The following NHLRC2 variants were observed in gnomAD, a reference collection of about 807,000 sequenced individuals.
The protein encoded by NHLRC2 is NHL repeat containing 2, also known as NHL repeat-containing protein 2.
In NHLRC2, 33 loss-of-function variants were observed where a neutral mutation model predicts 68.1. That is an observed-to-expected ratio of 0.48 (90% confidence interval 0.37 to 0.65). NHLRC2 has a LOEUF of 0.65. Ranked by LOEUF, NHLRC2 falls within the 30% of genes least tolerant of loss-of-function variation. The pLI, the probability that NHLRC2 is intolerant of heterozygous loss-of-function variation, is 0.00. For missense variants in NHLRC2, 761 were observed against 853.8 expected, an observed-to-expected ratio of 0.89 and a Z score of 1.35; for synonymous variants, 311 against 309.6, an observed-to-expected ratio of 1.00 and a Z score of -0.05.
In NHLRC2 at chr10:113,854,881, GC is replaced by G; in HGVS notation, c.12del (p.Gly5GlufsTer17). The G allele has an allele frequency of 6.5e-7, 1 of 1,541,094 alleles. No individual in the cohort carries two copies. The highest frequency in any genetic ancestry group is 8.7e-7 in the Non-Finnish European group (1 of 1,143,430). On this transcript the variant is annotated frameshift_variant, in exon 1 of 11. Transcript: ENST00000369301. LOFTEE classifies it high-confidence loss of function. MAA[P>X]GGRGRSLSGL... is the part of the protein sequence containing the mutation. ...GGGAGCCCGGCGGAAACATGGCGGCGCCCGGAGGCCGGGGCCGCAGCCTCTC... is the reference window on the plus strand; with the variant it reads ...GGGAGCCCGGCGGAAACATGGCGGCGCCGGAGGCCGGGGCCGCAGCCTCTC...
chr10:113,911,816 TG>T lies in NHLRC2; in HGVS notation c.*3281del, dbSNP rs1399066851. ...CATAAGAATATATGCAGAGGGAAAA[TG>T]TCAATAGTTCTTGTGAATGAAGGAA... On this transcript the variant is annotated 3_prime_UTR_variant, in exon 11 of 11. Coordinates refer to ENST00000369301, the MANE Select transcript of NHLRC2 (RefSeq NM_198514.4). 1 of 152,050 alleles carries T rather than the reference TG, an allele frequency of 6.6e-6. No individual in the cohort carries two copies. Among genetic ancestry groups the T allele is most frequent in the African/African-American group, 2.4e-5 (1 of 41,432 alleles). The allele number at this position is 152,050 out of a possible 1,614,324, so 9.4% of individuals were successfully genotyped here. A position where few individuals can be genotyped will look rare whatever the true frequency, so the allele number is the denominator to read the frequency against.
In NHLRC2 at chr10:113,911,355, C is replaced by T. The variant is rs1846327174; in HGVS notation, c.*2819C>T. 1 of 152,042 alleles carries T rather than the reference C, an allele frequency of 6.6e-6. No individual in the cohort carries two copies. Among genetic ancestry groups the T allele is most frequent in the African/African-American group, 2.4e-5 (1 of 41,412 alleles). 9.4% of individuals were successfully genotyped at this position (152,042 alleles called of 1,614,324 possible). A position where few individuals can be genotyped will look rare whatever the true frequency, so the allele number is the denominator to read the frequency against. On this transcript the variant is annotated 3_prime_UTR_variant, in exon 11 of 11. Coordinates refer to ENST00000369301, the MANE Select transcript of NHLRC2 (RefSeq NM_198514.4). ...AAGAGAAAACTTTGTAGTTTAATCA[C>T]CCATAAGTGTAACTTTAGCAAAATT...
Position 113,858,692 on chromosome 10 carries a change from T to TTAATTAG in NHLRC2, c.331+14_331+20dup. ...ATACTCTGATAAAGGTATCTGCTCT[T>TTAATTAG]TAATTAGTTTCTAACAGACTGTCCT... is the stretch of plus-strand genomic sequence containing the variant. On this transcript the variant is annotated intron_variant, in intron 2 of 10. Coordinates refer to ENST00000369301, the MANE Select transcript of NHLRC2 (RefSeq NM_198514.4). The TTAATTAG allele has an allele frequency of 1.3e-6, 2 of 1,599,552 alleles. No homozygotes were observed. The highest frequency in any genetic ancestry group is 1.7e-6 in the Non-Finnish European group (2 of 1,167,842).
chr10:113,880,406 A>G (rs1455075747), intron 4 of NHLRC2, among the ~76,000 whole-genome samples: 1 of 151,692 alleles, frequency 6.6e-6, no homozygotes, highest in East Asian at 1.9e-4. Flanking sequence ...ACTGTATCAC[A>G]TTCCATTGTA....
At chr10:113,881,376 A>G (rs1490096037) in intron 4 of NHLRC2, among the ~76,000 whole-genome samples, 2 of 151,862 alleles carry the variant, frequency 1.3e-5, no homozygotes, top group African/African-American at 2.4e-5. Flanking sequence ...GTGACTTAAT[A>G]TGGTGTCTGC....
At chr10:113,891,667 T>A (rs1244085139) in intron 5 of NHLRC2, among the ~76,000 whole-genome samples, 1 of 152,202 alleles carries the variant, frequency 6.6e-6, no homozygotes, top group African/African-American at 2.4e-5. Context: ...CAGCTTTCAG[T>A]CGTCCCTGTA....
chr10:113,858,344 A>G (rs1040890965), intron 1 of NHLRC2, among the ~76,000 whole-genome samples, 184 bp from the exon 2 acceptor site: 1 of 152,088 alleles, frequency 6.6e-6, no homozygotes, highest in African/African-American at 2.4e-5. Flanking sequence ...TTGTTGATAG[A>G]AAATGATGGT....
At chr10:113,864,568 G>A (rs760057768) in intron 2 of NHLRC2, among the ~76,000 whole-genome samples, 10 of 151,676 alleles carry the variant, frequency 6.6e-5, no homozygotes, top group Admixed American at 1.3e-4. Context: ...GTGGTGGCGC[G>A]CCCCTGTAAT....
At chr10:113,858,046 C>CT (rs529701767) in intron 1 of NHLRC2, among the ~76,000 whole-genome samples, 2,714 of 131,592 alleles carry the variant, frequency 0.021, 64 homozygotes, top group African/African-American at 0.06. Flanking sequence ...ATATTTCTTC[C>CT]TTTTTTTTTT....
chr10:113,906,354 A>G (rs1328586042), intron 10 of NHLRC2, among the ~76,000 whole-genome samples: 1 of 152,196 alleles, frequency 6.6e-6, no homozygotes, highest in African/African-American at 2.4e-5. Flanking sequence ...TTTATTATAT[A>G]GTAGCAGATA....
rs760374342 is a variant in NHLRC2 at position 113,904,858 on chromosome 10, G to A, written c.1746G>A (p.Pro582=). The A allele has an allele frequency of 2.0e-5, 33 of 1,613,156 alleles. No homozygotes were observed. In the Admixed American group the frequency reaches 4.8e-4, roughly 24 times the overall value. Residue 582 remains proline (P), a synonymous_variant, in exon 10 of 11, where the codon CCG becomes CCA. Transcript: ENST00000369301. The part of the protein sequence containing the change: ...FRSENAVVDG[P]FLVEKQKTLP... ...CTGAAAATGCTGTGGTAGATGGCCC[G>A]TTCCTAGTAGAAAAACAGAAGACAT... is the stretch of plus-strand genomic sequence containing the variant.
intron 5 of NHLRC2, 83 bp from the exon 6 acceptor site, chr10:113,898,027 C>T: frequency 1.5e-6 from 1 of 650,000 alleles, no homozygotes; most frequent in East Asian, 3.0e-5. Context: ...TTGTTATCCT[C>T]CATAAATTTA....
At chr10:113,867,247 A>G (rs117850703) in intron 2 of NHLRC2, among the ~76,000 whole-genome samples, 2,095 of 152,326 alleles carry the variant, frequency 0.014, 23 homozygotes, top group Admixed American at 0.022. Flanking sequence ...CACACCTTTT[A>G]AAGGATAGCA....
chr10:113,862,180 A>G (rs945985694), intron 2 of NHLRC2, among the ~76,000 whole-genome samples: 1 of 152,076 alleles, frequency 6.6e-6, no homozygotes, highest in African/African-American at 2.4e-5. Context: ...AGCCCGGCCT[A>G]TTTTCTATGT....
Position 113,854,865 on chromosome 10 carries a change from G to A in NHLRC2, c.-8G>A. On this transcript the variant is annotated 5_prime_UTR_variant, in exon 1 of 11. Transcript: ENST00000369301. Reference sequence around the variant, plus strand: ...GCCCGGCGGCCGCATCGGGAGCCCGGCGGAAACATGGCGGCGCCCGGAGGC... The same window carrying A: ...GCCCGGCGGCCGCATCGGGAGCCCGACGGAAACATGGCGGCGCCCGGAGGC... 1 of 1,539,218 alleles carries A rather than the reference G, an allele frequency of 6.5e-7. No individual in the cohort carries two copies. The highest frequency in any genetic ancestry group is 8.8e-7 in the Non-Finnish European group (1 of 1,142,670).
chr10:113,855,259 A>C (rs1845735821), intron 1 of NHLRC2, among the ~76,000 whole-genome samples: 1 of 152,062 alleles, frequency 6.6e-6, no homozygotes, highest in Non-Finnish European at 1.5e-5. Context: ...TGGCACGGGG[A>C]TCCACATACT....
At chr10:113,861,363 GAC>G (rs1845814630) in intron 2 of NHLRC2, among the ~76,000 whole-genome samples, 1 of 152,186 alleles carries the variant, frequency 6.6e-6, no homozygotes, top group Non-Finnish European at 1.5e-5. Context: ...ATCATGCCAA[GAC>G]ACATTATTAT....
chr10:113,864,250 A>G (rs1280866731), intron 2 of NHLRC2, among the ~76,000 whole-genome samples: 1 of 152,160 alleles, frequency 6.6e-6, no homozygotes, highest in Non-Finnish European at 1.5e-5. Flanking sequence ...ATGTGGAGCT[A>G]TTGTTTAATG....
intron 5 of NHLRC2, among the ~76,000 whole-genome samples, chr10:113,893,507 G>T (rs1846150836): frequency 6.6e-6 from 1 of 152,098 alleles, no homozygotes; most frequent in Admixed American, 6.5e-5. Context: ...AAAATTATTA[G>T]CTCGGTGCCA....
Sources: allele counts gnomAD v4.1 joint callset (sites outside exome capture counted in the v4.1 genomes callset), GRCh38; gene constraint gnomAD v4.1.1; transcripts MANE v1.5; gene names NCBI Gene and HGNC (gene_info 2026-07-23, HGNC 2026-07-21).